The following CFAP54 variants were observed in gnomAD, a reference collection of about 807,000 sequenced individuals.
CFAP54 encodes the protein cilia- and flagella-associated protein 54.
Under a neutral mutation model 370.4 loss-of-function variants are expected in CFAP54, and 290 were observed. The observed-to-expected ratio is 0.78, with a 90% CI of 0.71 to 0.86. CFAP54 has a LOEUF of 0.86. Ranked by LOEUF, CFAP54 falls within the 40% of genes least tolerant of loss-of-function variation. The pLI is 0.00. For synonymous variants in CFAP54, 1,206 were observed against 1,236.5 expected, an observed-to-expected ratio of 0.98 and a Z score of 0.52; for missense variants, 3,399 against 3,528.7, an observed-to-expected ratio of 0.96 and a Z score of 0.93.
At chr12:96,743,349 A>G in intron 52 of CFAP54, 53 bp from the exon 53 acceptor site, 1 of 1,585,060 alleles carries the variant, frequency 6.3e-7, no homozygotes, top group South Asian at 1.1e-5. Context: ...TTACACATGT[A>G]TAACTTCTGA....
At chr12:96,620,921 G>GT (rs1188834049) in intron 26 of CFAP54, among the ~76,000 whole-genome samples, 2 of 152,340 alleles carry the variant, frequency 1.3e-5, no homozygotes, top group African/African-American at 4.8e-5. Flanking sequence ...TCAATATTTT[G>GT]TAAGATTAAA....
At chr12:96,864,219 T>C (rs1343805420) in intron 67 of CFAP54, among the ~76,000 whole-genome samples, 2 of 152,084 alleles carry the variant, frequency 1.3e-5, no homozygotes, top group African/African-American at 4.8e-5. Context: ...GTTTTAATTA[T>C]AACAGAGAAT....
At chr12:96,572,312 A>G (rs2136417794) in intron 19 of CFAP54, among the ~76,000 whole-genome samples, 1 of 152,334 alleles carries the variant, frequency 6.6e-6, no homozygotes, top group Non-Finnish European at 1.5e-5. Context: ...CTATCTTGGA[A>G]GATGTCAGAG....
chr12:96,546,732 G>A (rs1565892318), intron 14 of CFAP54, among the ~76,000 whole-genome samples: 5 of 152,094 alleles, frequency 3.3e-5, no homozygotes, highest in African/African-American at 7.2e-5. Context: ...GGGAGGCTGA[G>A]GCAGGAGAAT....
Position 96,489,940 on chromosome 12 carries a change from G to A in CFAP54, c.317+14G>A. On this transcript the variant is annotated intron_variant, in intron 1 of 67. Transcript: ENST00000524981. ...CCGCCGGCGTTGGTAAGCGCTGGCG[G>A]GGCACTGGGGAGGGCGCCGGCCAGA... 1 of 1,524,018 alleles carries A rather than the reference G, an allele frequency of 6.6e-7. No homozygotes were observed. The highest frequency in any genetic ancestry group is 8.8e-7 in the Non-Finnish European group (1 of 1,139,826). 94.4% of individuals were successfully genotyped at this position (1,524,018 alleles called of 1,614,324 possible). A position where few individuals can be genotyped will look rare whatever the true frequency, so the allele number is the denominator to read the frequency against.
Position 96,777,852 on chromosome 12 carries a change from AC to A in CFAP54, c.8282-6863del, listed in dbSNP as rs1958535831. ...TGCTAACACATTTGTTCCAGGATAA[AC>A]CATTAGATTCAGAAAAAGTTGCCAA... On this transcript the variant is annotated intron_variant, in intron 60 of 67. Coordinates refer to ENST00000524981, the MANE Select transcript of CFAP54 (RefSeq NM_001306084.2). Among the ~76,000 whole-genome samples, 4 of 152,172 alleles carry A rather than the reference AC, an allele frequency of 2.6e-5. No homozygotes were observed. The East Asian group carries it at 7.7e-4, about 29-fold the overall frequency.
intron 45 of CFAP54, among the ~76,000 whole-genome samples, chr12:96,696,268 G>C (rs1009004606): frequency 3.3e-5 from 5 of 152,164 alleles, no homozygotes; most frequent in African/African-American, 1.2e-4. Flanking sequence ...AGAATACCAG[G>C]GACCTAGTCT....
In CFAP54 at chr12:96,656,447, G is replaced by T. The variant is rs1294114807; in HGVS notation, c.5101-1435G>T. On this transcript the variant is annotated intron_variant, in intron 36 of 67. Coordinates refer to ENST00000524981, the MANE Select transcript of CFAP54 (RefSeq NM_001306084.2). ...GGCTGGAGTACAATGGCACAATCTC[G>T]ACTCACCACAACCTCCACCTCCTGG... 2.0e-5 allele frequency among the ~76,000 whole-genome samples: 3 copies of T among 151,968 alleles called. No homozygotes were observed. In the East Asian group the frequency reaches 5.8e-4, roughly 29 times the overall value.
chr12:96,739,659 T>G (rs911903249), intron 50 of CFAP54, among the ~76,000 whole-genome samples: 3 of 152,208 alleles, frequency 2.0e-5, no homozygotes, highest in African/African-American at 7.2e-5. Context: ...TCACTCATTT[T>G]CATTTAAAAA....
rs1157993628 is a variant in CFAP54 at position 96,641,941 on chromosome 12, G to GT, written c.4317-2237_4317-2236insT. On this transcript the variant is annotated intron_variant, in intron 32 of 67. Coordinates refer to ENST00000524981, the MANE Select transcript of CFAP54 (RefSeq NM_001306084.2). ...CGGGGCCTGTTGTGGGGTGGTGCGG[G>GT]GGGGGAGGGATAGCATTAGGAGATA... 2.7e-5 allele frequency among the ~76,000 whole-genome samples: 4 copies of GT among 147,524 alleles called. No individual in the cohort carries two copies. In the East Asian group the frequency reaches 6.8e-4, roughly 25 times the overall value.
At chr12:96,551,005 C>T (rs1227910044) in intron 15 of CFAP54, among the ~76,000 whole-genome samples, 1 of 152,082 alleles carries the variant, frequency 6.6e-6, no homozygotes, top group Non-Finnish European at 1.5e-5. Context: ...TGGTGGCTCA[C>T]GCCTTTTATC....
intron 55 of CFAP54, among the ~76,000 whole-genome samples, chr12:96,751,161 T>C (rs763715482): frequency 1.8e-4 from 28 of 152,194 alleles, no homozygotes; most frequent in Non-Finnish European, 2.8e-4. Flanking sequence ...AAAAAGTAGA[T>C]TACTGATTCT....
At chr12:96,491,584 A>G (rs1038255358) in intron 1 of CFAP54, among the ~76,000 whole-genome samples, 1 of 152,118 alleles carries the variant, frequency 6.6e-6, no homozygotes, top group Non-Finnish European at 1.5e-5. Flanking sequence ...ACCAACAGAG[A>G]CTAAGGAGGA....
At chr12:96,646,765 T>A (rs1176719823) in intron 33 of CFAP54, 1 of 152,206 alleles carries the variant, frequency 6.6e-6, no homozygotes, top group Non-Finnish European at 1.5e-5. Flanking sequence ...TGGAATACTA[T>A]GCAGCCATAA....
intron 66 of CFAP54, among the ~76,000 whole-genome samples, chr12:96,844,177 A>T (rs1439547852): frequency 6.6e-6 from 1 of 152,176 alleles, no homozygotes; most frequent in African/African-American, 2.4e-5. Context: ...CTGTTACCTT[A>T]TATGCCAAAA....
intron 66 of CFAP54, among the ~76,000 whole-genome samples, chr12:96,860,321 A>C (rs1959847138): frequency 6.6e-6 from 1 of 151,998 alleles, no homozygotes; most frequent in Admixed American, 6.6e-5. Flanking sequence ...CAGTTCTATG[A>C]CCACAAAAGC....
chr12:96,628,890 TG>T (rs1263733205), intron 30 of CFAP54, among the ~76,000 whole-genome samples: 2 of 151,858 alleles, frequency 1.3e-5, no homozygotes, highest in African/African-American at 4.8e-5. Flanking sequence ...TAAGCAGTTT[TG>T]CTGTACCTGG....
chr12:96,501,044 C>A, intron 2 of CFAP54, 105 bp downstream of exon 2: 1 of 617,644 alleles, frequency 1.6e-6, no homozygotes, highest in Non-Finnish European at 2.5e-6. Context: ...TGATTTTTCT[C>A]TTAGAAAAAA....
At chr12:96,725,329 G>T (rs1041685693) in intron 50 of CFAP54, among the ~76,000 whole-genome samples, 2 of 151,800 alleles carry the variant, frequency 1.3e-5, no homozygotes, top group African/African-American at 2.4e-5. Context: ...TCTTCCATTT[G>T]TTTGTATCCT....
Sources: allele counts gnomAD v4.1 joint callset (sites outside exome capture counted in the v4.1 genomes callset), GRCh38; gene constraint gnomAD v4.1.1; transcripts MANE v1.5; gene names NCBI Gene and HGNC (gene_info 2026-07-23, HGNC 2026-07-21).